Variants in FLI1 observed in about 807,000 individuals in gnomAD.
FLI1 encodes Friend leukemia integration 1 transcription factor.
A neutral mutation model predicts 53.1 loss-of-function variants in FLI1; 13 were observed. The ratio of observed to expected loss-of-function variants is 0.24; its 90% CI spans 0.16 to 0.39. FLI1 has a LOEUF of 0.39. Among genes scored for constraint, FLI1 ranks in the 10% least tolerant of loss-of-function variants. The probability of loss-of-function intolerance (pLI) is 1.00; values close to 1 mark genes in which losing one functional copy is unlikely to be tolerated. For synonymous variants in FLI1, 244 were observed against 236.7 expected (o/e 1.03, Z -0.28); for missense variants, 424 against 600.5 (o/e 0.71, Z 3.07).
chr11:128,757,076 CTTTCTTT>C lies in FLI1; in HGVS notation c.19-1038_19-1032del, dbSNP rs1940912427. Among the ~76,000 whole-genome samples the C allele has an allele frequency of 5.6e-5, 8 of 142,066 alleles. No homozygotes were observed. In the South Asian group the frequency reaches 1.7e-3, roughly 31 times the overall value. 93.2% of individuals were successfully genotyped at this position (142,066 alleles called of 152,430 possible). On this transcript the variant is annotated intron_variant, in intron 1 of 8. Transcript: ENST00000527786. ...TCTTTCTTTCTTTCTTTCTTTCTTT[CTTTCTTT>C]CTTTCTTTCTTTCTTTCTTTCTTTC...
At chr11:128,696,876 G>A (rs1938101995) in intron 1 of FLI1, among the ~76,000 whole-genome samples, 1 of 152,220 alleles carries the variant, frequency 6.6e-6, no homozygotes, top group African/African-American at 2.4e-5. Context: ...AGCCAGGGAA[G>A]TCTGGATTTC....
At chr11:128,734,370 G>A (rs594316) in intron 1 of FLI1, among the ~76,000 whole-genome samples, 33,101 of 152,122 alleles carry the variant, frequency 0.22, 5,125 homozygotes, top group African/African-American at 0.43. Context: ...ATTCTCGTGC[G>A]TGTGCAGAGA....
chr11:128,768,688 CAAAAAAAA>C (rs34066469), intron 3 of FLI1, among the ~76,000 whole-genome samples: 1 of 77,778 alleles, frequency 1.3e-5, no homozygotes, highest in Non-Finnish European at 2.5e-5. Flanking sequence ...GACTCTGTCT[CAAAAAAAA>C]AAAAAAAAAA....
intron 1 of FLI1, among the ~76,000 whole-genome samples, chr11:128,716,154 A>G (rs1190685777): frequency 6.6e-6 from 1 of 152,216 alleles, no homozygotes; most frequent in Non-Finnish European, 1.5e-5. Flanking sequence ...GATTCATACA[A>G]TGCAGCCCAT....
At chr11:128,751,702 A>AT (rs1163919980) in intron 1 of FLI1, among the ~76,000 whole-genome samples, 3 of 147,722 alleles carry the variant, frequency 2.0e-5, no homozygotes, top group South Asian at 2.2e-4. Flanking sequence ...AATTTTTTGT[A>AT]TTTTTTTAGT....
intron 2 of FLI1, among the ~76,000 whole-genome samples, chr11:128,765,369 C>T (rs1431817055): frequency 1.3e-5 from 2 of 152,200 alleles, no homozygotes; most frequent in African/African-American, 4.8e-5. Context: ...TTCAGTGAGT[C>T]CTGAGGTGCT....
chr11:128,800,414 G>T (rs1411748771), intron 5 of FLI1, among the ~76,000 whole-genome samples: 2 of 152,174 alleles, frequency 1.3e-5, no homozygotes, highest in Admixed American at 1.3e-4. Context: ...GCTGGCCTCT[G>T]GTCAGGTCAC....
At chr11:128,720,372 C>A (rs1041297444) in intron 1 of FLI1, among the ~76,000 whole-genome samples, 2 of 152,176 alleles carry the variant, frequency 1.3e-5, no homozygotes, top group Admixed American at 6.5e-5. Context: ...CAGACGCAGC[C>A]TTATCTCTTT....
In FLI1 at chr11:128,686,843, G is replaced by A. The variant is rs12276795; in HGVS notation, c.-203+142G>A. Reference sequence around the variant, plus strand: ...CTCTCGGCTCGTGGATCTCAAGCTAGGGCGCTCCTGGCCAGATGAGAGTGG... The same window carrying A: ...CTCTCGGCTCGTGGATCTCAAGCTAAGGCGCTCCTGGCCAGATGAGAGTGG... On this transcript the variant is annotated intron_variant, in intron 1 of 6. Coordinates refer to the FLI1 transcript ENST00000344954. The A allele has an allele frequency of 6.8e-3, 1,532 of 223,822 alleles. 25 individuals carry two copies. The highest frequency in any genetic ancestry group is 0.032 in the African/African-American group (1,421 of 43,848). The allele number at this position is 223,822 out of a possible 1,614,324, so 13.9% of individuals were successfully genotyped here.
intron 5 of FLI1, among the ~76,000 whole-genome samples, chr11:128,787,650 C>T (rs1427251659): frequency 6.6e-6 from 1 of 152,004 alleles, no homozygotes; most frequent in African/African-American, 2.4e-5. Context: ...ATTGTAGTGC[C>T]CCTTCAGGGA....
At chr11:128,689,989 T>C (rs970512736), upstream of FLI1, among the ~76,000 whole-genome samples, 1 of 152,230 alleles carries the variant, frequency 6.6e-6, no homozygotes, top group Non-Finnish European at 1.5e-5. Context: ...TGTGAGTAGA[T>C]GAAGTCTGAG....
intron 1 of FLI1, among the ~76,000 whole-genome samples, chr11:128,739,791 G>A (rs891581529): frequency 2.0e-5 from 3 of 152,178 alleles, no homozygotes; most frequent in Non-Finnish European, 4.4e-5. Context: ...CTTCCAGATC[G>A]ACAAGACAGA....
At chr11:128,790,699 A>T (rs1013677173) in intron 5 of FLI1, among the ~76,000 whole-genome samples, 25 of 152,346 alleles carry the variant, frequency 1.6e-4, no homozygotes, top group Non-Finnish European at 2.8e-4. Flanking sequence ...CAAAAGACTG[A>T]GTATCAGTCC....
chr11:128,783,719 A>G (rs762958776), intron 5 of FLI1, among the ~76,000 whole-genome samples: 1 of 152,234 alleles, frequency 6.6e-6, no homozygotes, highest in Non-Finnish European at 1.5e-5. Flanking sequence ...CTGCAGAACG[A>G]AAGAGAAGAA....
chr11:128,809,787 C>G (rs1330122941), intron 8 of FLI1, among the ~76,000 whole-genome samples: 1 of 152,164 alleles, frequency 6.6e-6, no homozygotes, highest in Non-Finnish European at 1.5e-5. Context: ...GTGTGGCCCA[C>G]TCACCTTCCC....
At chr11:128,783,920 GGAGA>G (rs562968614) in intron 5 of FLI1, among the ~76,000 whole-genome samples, 1 of 151,438 alleles carries the variant, frequency 6.6e-6, no homozygotes, top group African/African-American at 2.4e-5. Context: ...ATGACTAGAG[GGAGA>G]GAGAGAGAGG....
chr11:128,764,575 A>C (rs1941255844), intron 2 of FLI1: 23 of 1,312,408 alleles, frequency 1.8e-5, no homozygotes, highest in Non-Finnish European at 2.4e-5. Flanking sequence ...AATTAGCAGC[A>C]GTGCAGGCAA....
intron 1 of FLI1, among the ~76,000 whole-genome samples, chr11:128,708,260 A>G (rs1373279605): frequency 6.6e-6 from 1 of 152,240 alleles, no homozygotes; most frequent in East Asian, 1.9e-4. Context: ...ACAAGCAGTC[A>G]GTTGAGTGGT....
intron 1 of FLI1, among the ~76,000 whole-genome samples, chr11:128,715,695 G>A (rs999279092): frequency 6.6e-6 from 1 of 152,206 alleles, no homozygotes; most frequent in Admixed American, 6.5e-5. Flanking sequence ...TGGGGAATCT[G>A]AGAGATGACC....
Sources: allele counts gnomAD v4.1 joint callset (sites outside exome capture counted in the v4.1 genomes callset), GRCh38; gene constraint gnomAD v4.1.1; transcripts MANE v1.5; gene names NCBI Gene and HGNC (gene_info 2026-07-23, HGNC 2026-07-21).